Variants in STAU2 observed in about 807,000 individuals in gnomAD.
STAU2 encodes staufen double-stranded RNA binding protein 2, also known as double-stranded RNA-binding protein Staufen homolog 2.
Under a neutral mutation model 65.9 loss-of-function variants are expected in STAU2, and 20 were observed. That is an observed-to-expected ratio of 0.30 (90% confidence interval 0.21 to 0.44). The LOEUF is 0.44. Ranked by LOEUF, STAU2 falls within the 20% of genes least tolerant of loss-of-function variation. The pLI, the probability that STAU2 is intolerant of heterozygous loss-of-function variation, is 1.00. For missense variants in STAU2, 558 were observed against 683.9 expected (o/e 0.82, Z 2.05); for synonymous variants, 232 against 233.9 (o/e 0.99, Z 0.07).
chr8:73,713,736 A>G (rs762396307), intron 3 of STAU2, among the ~76,000 whole-genome samples: 1 of 152,190 alleles, frequency 6.6e-6, no homozygotes, highest in Non-Finnish European at 1.5e-5. Flanking sequence ...AGAATTCACT[A>G]GAACACCAAA....
chr8:73,587,834 G>A (rs924902414), intron 11 of STAU2, among the ~76,000 whole-genome samples: 1 of 152,150 alleles, frequency 6.6e-6, no homozygotes, highest in Non-Finnish European at 1.5e-5. Context: ...TGGCAGGGAA[G>A]GAGAACAGGA....
intron 13 of STAU2, among the ~76,000 whole-genome samples, chr8:73,517,709 A>G (rs1822817996): frequency 1.3e-5 from 2 of 152,152 alleles, no homozygotes; most frequent in Admixed American, 6.5e-5. Flanking sequence ...GCCCATTAAA[A>G]TAGCTGTTAT....
chr8:73,662,324 T>C (rs1186915060), intron 6 of STAU2, among the ~76,000 whole-genome samples: 1 of 152,216 alleles, frequency 6.6e-6, no homozygotes, highest in Non-Finnish European at 1.5e-5. Context: ...GTCTTGCTTT[T>C]TCATTTTGTA....
chr8:73,546,723 T>C (rs1018423052), intron 13 of STAU2, among the ~76,000 whole-genome samples: 1 of 152,106 alleles, frequency 6.6e-6, no homozygotes, highest in African/African-American at 2.4e-5. Flanking sequence ...CACTGTCATT[T>C]GTGGGGAAAA....
At chr8:73,614,611 T>C (rs1317251800) in intron 8 of STAU2, among the ~76,000 whole-genome samples, 5 of 152,208 alleles carry the variant, frequency 3.3e-5, no homozygotes, top group Admixed American at 2.6e-4. Context: ...TTGTTTAATC[T>C]GCAATACTAA....
intron 5 of STAU2, among the ~76,000 whole-genome samples, chr8:73,679,318 G>A (rs1293674648): frequency 1.3e-5 from 2 of 152,184 alleles, no homozygotes; most frequent in Admixed American, 1.3e-4. Context: ...AAAACAGCAT[G>A]TGGAGACTCA....
intron 6 of STAU2, among the ~76,000 whole-genome samples, chr8:73,644,473 G>A (rs972752360): frequency 6.6e-6 from 1 of 151,166 alleles, no homozygotes; most frequent in African/African-American, 2.4e-5. Context: ...TATGAAGAAT[G>A]GTCTGAGAAA....
At chr8:73,742,778 G>A (rs1806976839) in intron 1 of STAU2, among the ~76,000 whole-genome samples, 1 of 151,936 alleles carries the variant, frequency 6.6e-6, no homozygotes, top group Non-Finnish European at 1.5e-5. Context: ...ACCTGTAACT[G>A]CAATGTACTG....
chr8:73,710,199 CAA>C (rs144885089), intron 3 of STAU2, among the ~76,000 whole-genome samples: 18 of 152,078 alleles, frequency 1.2e-4, no homozygotes, highest in African/African-American at 4.3e-4. Flanking sequence ...TGATATTTGA[CAA>C]ACAGTATCCC....
intron 13 of STAU2, among the ~76,000 whole-genome samples, chr8:73,528,213 T>A (rs1019172702): frequency 3.3e-5 from 5 of 152,208 alleles, no homozygotes; most frequent in Non-Finnish European, 5.9e-5. Context: ...GACTGCCACA[T>A]AATTGGTACT....
chr8:73,550,000 T>A (rs1563415161), intron 13 of STAU2: 2 of 985,586 alleles, frequency 2.0e-6, no homozygotes, highest in Non-Finnish European at 2.4e-6. Context: ...ACAAAGAACC[T>A]TCTGCTGCGA....
At chr8:73,638,160 G>A (rs1362622362) in intron 6 of STAU2, among the ~76,000 whole-genome samples, 1 of 151,790 alleles carries the variant, frequency 6.6e-6, no homozygotes, top group African/African-American at 2.4e-5. Flanking sequence ...TGGAATGCAG[G>A]GGTGGCATAG....
intron 12 of STAU2, among the ~76,000 whole-genome samples, chr8:73,575,825 A>AAAGC (rs10622776): frequency 1.3e-5 from 2 of 151,872 alleles, no homozygotes; most frequent in African/African-American, 4.8e-5. Flanking sequence ...CACACACAAA[A>AAAGC]AACCACAAGT....
intron 6 of STAU2, among the ~76,000 whole-genome samples, chr8:73,645,627 C>T (rs1815313902): frequency 6.6e-6 from 1 of 152,142 alleles, no homozygotes; most frequent in Non-Finnish European, 1.5e-5. Flanking sequence ...TCCGTTCTCA[C>T]ATTGCTATAA....
intron 3 of STAU2, among the ~76,000 whole-genome samples, chr8:73,736,231 C>T (rs939777916): frequency 1.3e-5 from 2 of 152,196 alleles, no homozygotes; most frequent in Admixed American, 6.5e-5. Context: ...AAACTGACAA[C>T]ATAATTACGT....
chr8:73,616,658 C>A (rs954235582), intron 7 of STAU2, among the ~76,000 whole-genome samples: 2 of 151,964 alleles, frequency 1.3e-5, no homozygotes, highest in African/African-American at 4.8e-5. Context: ...ATTAGCTGGG[C>A]GTGGTAGCAT....
Position 73,688,489 on chromosome 8 carries a change from C to CGTGTGTGT in STAU2, c.274+157_274+164dup, listed in dbSNP as rs34713766. 3.3e-3 allele frequency among the ~76,000 whole-genome samples: 478 copies of CGTGTGTGT among 146,968 alleles called. 9 individuals are homozygous for CGTGTGTGT. Among genetic ancestry groups the CGTGTGTGT allele is most frequent in the African/African-American group, 0.011 (443 of 39,554 alleles). On this transcript the variant is annotated intron_variant, in intron 5 of 14. Coordinates refer to ENST00000524300, the MANE Select transcript of STAU2 (RefSeq NM_001164380.2). Reference sequence around the variant, plus strand: ...CCTCCTTCAGTTATTTTTATGCTACCGTGTGTGTGTGTGTGTGTGTGTGTG... The same window carrying CGTGTGTGT: ...CCTCCTTCAGTTATTTTTATGCTACCGTGTGTGTGTGTGTGTGTGTGTGTGTGTGTGTG...
chr8:73,431,582 C>T (rs1487185336), intron 13 of STAU2, among the ~76,000 whole-genome samples: 2 of 152,176 alleles, frequency 1.3e-5, no homozygotes, highest in African/African-American at 2.4e-5. Context: ...ATATTTTTGT[C>T]CCCCAAAGAT....
intron 6 of STAU2, among the ~76,000 whole-genome samples, chr8:73,627,390 C>T (rs1280266879): frequency 6.6e-6 from 1 of 152,084 alleles, no homozygotes; most frequent in Non-Finnish European, 1.5e-5. Flanking sequence ...CATTACCTAA[C>T]AGCCTAGGTG....
Sources: allele counts gnomAD v4.1 joint callset (sites outside exome capture counted in the v4.1 genomes callset), GRCh38; gene constraint gnomAD v4.1.1; transcripts MANE v1.5; gene names NCBI Gene and HGNC (gene_info 2026-07-23, HGNC 2026-07-21).